The following LRRFIP1 variants were observed in gnomAD, a reference collection of about 807,000 sequenced individuals.
LRRFIP1 encodes leucine-rich repeat flightless-interacting protein 1.
In LRRFIP1, 62 loss-of-function variants were observed where a neutral mutation model predicts 104.4. The ratio of observed to expected loss-of-function variants is 0.59; its 90% CI spans 0.48 to 0.73. The LOEUF (loss-of-function observed/expected upper bound fraction) is 0.73, where lower values mean the gene tolerates loss of function less well. Among genes scored for constraint, LRRFIP1 ranks in the 30% least tolerant of loss-of-function variants. The probability of loss-of-function intolerance (pLI) is 0.00; values close to 1 mark genes in which losing one functional copy is unlikely to be tolerated. For synonymous variants in LRRFIP1, 300 were observed against 299.0 expected (o/e 1.00, Z -0.03); for missense variants, 796 against 824.5 (o/e 0.97, Z 0.42).
At chr2:237,630,616 A>T (rs1256636445) in intron 1 of LRRFIP1, among the ~76,000 whole-genome samples, 2 of 152,268 alleles carry the variant, frequency 1.3e-5, no homozygotes, top group African/African-American at 4.8e-5. Flanking sequence ...GAGTTCTTGA[A>T]GGCTGTATGT....
intron 4 of LRRFIP1, among the ~76,000 whole-genome samples, chr2:237,718,868 A>C (rs1364871951): frequency 2.0e-5 from 3 of 152,216 alleles, no homozygotes; most frequent in African/African-American, 7.2e-5. Context: ...TACATGACAT[A>C]AATGTATTTT....
Position 237,735,889 on chromosome 2 carries a change from G to A in LRRFIP1, c.555+556G>A, listed in dbSNP as rs574763806. ...AAGGTAGAAAAATGAGATGGAACCC[G>A]TGGAAGTGGGGAGACGAATTTGCGT... On this transcript the variant is annotated intron_variant, in intron 10 of 23. Transcript: ENST00000308482. This position sits in a 1 kb window ranked among gnomAD's most constrained non-coding sequence, Gnocchi z 4.6. Among the ~76,000 whole-genome samples, 140 of 152,286 alleles carry A rather than the reference G, an allele frequency of 9.2e-4. No homozygotes were observed. The highest frequency in any genetic ancestry group is 3.2e-3 in the African/African-American group (131 of 41,554).
intron 11 of LRRFIP1, among the ~76,000 whole-genome samples, chr2:237,745,498 G>GT (rs1159756896): frequency 1.3e-5 from 2 of 152,094 alleles, no homozygotes; most frequent in African/African-American, 4.8e-5. Flanking sequence ...GGTTTTTGGG[G>GT]TTTTTTCCCT....
rs752507473 is a variant in LRRFIP1, at chr2:237,757,488, T to G, written c.1164T>G (p.Ser388Arg). The change falls in exon 17 of 24, where the codon AGT becomes AGG. Residue 388 changes from serine (S) to arginine (R), a missense_variant. By Grantham distance (110) the Ser-to-Arg change is moderately radical. Transcript: ENST00000308482. ...GACAGCTACAGCAGAAACAGGCGAG[T>G]TCTATCAGGGAGATTTCTGATCTTC... ...EIRQLQQKQA[S>R]SIREISDLQE... The G allele has an allele frequency of 2.2e-5, 35 of 1,597,178 alleles. No homozygotes were observed. The East Asian group carries it at 7.9e-4, about 36-fold the overall frequency.
chr2:237,658,051 G>A (rs541636386), intron 1 of LRRFIP1, among the ~76,000 whole-genome samples: 1 of 152,132 alleles, frequency 6.6e-6, no homozygotes, highest in African/African-American at 2.4e-5. Context: ...TAAAACCAAG[G>A]AGAACCACCT....
intron 1 of LRRFIP1, among the ~76,000 whole-genome samples, chr2:237,633,561 G>A (rs114568364): frequency 0.017 from 2,527 of 152,266 alleles, 66 homozygotes; most frequent in African/African-American, 0.057. Flanking sequence ...CCTGTCCCCC[G>A]TGAGCCCTGC....
At chr2:237,748,448 A>G (rs772450257) in intron 12 of LRRFIP1, 49 bp downstream of exon 12, 2 of 1,488,094 alleles carry the variant, frequency 1.3e-6, no homozygotes, top group Non-Finnish European at 1.8e-6. Context: ...TGTGGATGAA[A>G]TTGATAAGAA....
At chr2:237,753,203 T>C (rs1194597123) in intron 14 of LRRFIP1, 106 bp from the exon 15 acceptor site, 6 of 762,024 alleles carry the variant, frequency 7.9e-6, no homozygotes, top group East Asian at 3.1e-5. Flanking sequence ...CTCTAAGAAA[T>C]ATAGTCTAAG....
chr2:237,656,140 ATC>A (rs2086784599), intron 1 of LRRFIP1, among the ~76,000 whole-genome samples: 2 of 152,210 alleles, frequency 1.3e-5, no homozygotes, highest in African/African-American at 4.8e-5. Flanking sequence ...ACATCTATCT[ATC>A]TATATGTAAG....
chr2:237,654,936 A>G (rs975950202), intron 1 of LRRFIP1, among the ~76,000 whole-genome samples: 3 of 152,060 alleles, frequency 2.0e-5, no homozygotes, highest in Non-Finnish European at 2.9e-5. Context: ...GTCTAACAAC[A>G]GATGAATAGA....
At chr2:237,730,329 A>G (rs1181075930) in intron 8 of LRRFIP1, among the ~76,000 whole-genome samples, 1 of 152,202 alleles carries the variant, frequency 6.6e-6, no homozygotes, top group Non-Finnish European at 1.5e-5. Flanking sequence ...ACAAACATGC[A>G]TCGGTCTTGA....
At chr2:237,730,707 A>G (rs1453841029) in intron 8 of LRRFIP1, among the ~76,000 whole-genome samples, 2 of 152,252 alleles carry the variant, frequency 1.3e-5, no homozygotes, top group Non-Finnish European at 2.9e-5. Flanking sequence ...CCATGAGGTC[A>G]GGAGATAGAG....
In LRRFIP1 at chr2:237,749,335, CTCT is replaced by C. The variant is rs1559777000; in HGVS notation, c.795+16_795+18del. 6 of 1,612,760 alleles carry C rather than the reference CTCT, an allele frequency of 3.7e-6. No individual in the cohort carries two copies. The highest frequency in any genetic ancestry group is 5.1e-6 in the Non-Finnish European group (6 of 1,179,860). On this transcript the variant is annotated intron_variant, in intron 13 of 23. Coordinates refer to ENST00000308482, the MANE Select transcript of LRRFIP1 (RefSeq NM_001137550.2). ...ATCAGGGAAATCAAGGTGAGATGCT[CTCT>C]TCTTACTGACAACTTGAGAGAACCT...
At position 237,665,536 on chromosome 2, in the gene LRRFIP1, G is replaced by A. The variant is rs113179658; in HGVS notation, c.96+37796G>A. 5.4e-3 allele frequency among the ~76,000 whole-genome samples: 829 copies of A among 152,126 alleles called. 11 individuals are homozygous for A. The highest frequency in any genetic ancestry group is 0.019 in the African/African-American group (806 of 41,504). ...ATTATCAGCAAAATATTTAAAATTG[G>A]GGTTTTATTCTGAGTAACTTATTTC... On this transcript the variant is annotated intron_variant, in intron 1 of 23. Transcript: ENST00000308482.
intron 5 of LRRFIP1, among the ~76,000 whole-genome samples, chr2:237,719,940 C>CTT (rs57355213): frequency 0.017 from 1,742 of 103,872 alleles, 16 homozygotes; most frequent in Non-Finnish European, 0.021. Flanking sequence ...GATGAAATTA[C>CTT]TTTTTTTTTT....
At chr2:237,737,273 C>T (rs545934806) in intron 10 of LRRFIP1, among the ~76,000 whole-genome samples, 1 of 152,158 alleles carries the variant, frequency 6.6e-6, no homozygotes, top group Non-Finnish European at 1.5e-5. Context: ...ACATGTACCC[C>T]CTTTCCTAGT....
chr2:237,649,688 T>C lies in LRRFIP1; in HGVS notation c.96+21948T>C, dbSNP rs2085583368. On this transcript the variant is annotated intron_variant, in intron 1 of 23. Transcript: ENST00000308482. The surrounding 1 kb of genome is among the most constrained non-coding windows in gnomAD (Gnocchi z 4.1). ...GAGGGATGTTCACATGTCACATTTCTCACCGGAGTCCTCGTCCCATCGCCT... is the reference window on the plus strand; with the variant it reads ...GAGGGATGTTCACATGTCACATTTCCCACCGGAGTCCTCGTCCCATCGCCT... Among the ~76,000 whole-genome samples, 1 of 152,000 alleles carries C rather than the reference T, an allele frequency of 6.6e-6. No homozygotes were observed. Among genetic ancestry groups the C allele is most frequent in the South Asian group, 2.1e-4 (1 of 4,826 alleles).
intron 19 of LRRFIP1, chr2:237,763,901 G>A (rs536891978): frequency 9.3e-6 from 15 of 1,614,228 alleles, no homozygotes; most frequent in Admixed American, 5.0e-5. Context: ...CACCCTGCCC[G>A]AACATGAAAG....
intron 23 of LRRFIP1, among the ~76,000 whole-genome samples, chr2:237,778,994 C>G (rs1226481046): frequency 1.3e-5 from 2 of 151,690 alleles, no homozygotes. Context: ...GAGGCCAAGG[C>G]GGACAGATCA....
Sources: gnomAD v4.1 joint callset for allele counts (sites outside exome capture counted in the v4.1 genomes callset) on GRCh38, gnomAD v4.1.1 for gene constraint, Gnocchi (gnomAD v3.1) non-coding constraint, MANE v1.5 for transcripts, NCBI Gene and HGNC (gene_info 2026-07-23, HGNC 2026-07-21) for gene names.